CFAP92: variants seen among roughly 807,000 people sequenced by gnomAD.
The protein encoded by CFAP92 is cilia and flagella associated protein 92 (putative), also known as uncharacterized protein CFAP92.
Under a neutral mutation model 106.3 loss-of-function variants are expected in CFAP92, and 86 were observed. The observed-to-expected ratio is 0.81, with a 90% CI of 0.68 to 0.97. The LOEUF is 0.97. Ranked by LOEUF, CFAP92 falls within the 50% of genes least tolerant of loss-of-function variation. The probability of loss-of-function intolerance (pLI) is 0.00; values close to 1 mark genes in which losing one functional copy is unlikely to be tolerated. For synonymous variants in CFAP92, 477 were observed against 506.4 expected (o/e 0.94, Z 0.78); for missense variants, 1,204 against 1,283.8 (o/e 0.94, Z 0.95).
upstream of CFAP92, chr3:129,003,907 C>A: frequency 7.4e-7 from 1 of 1,355,612 alleles, no homozygotes; most frequent in South Asian, 1.7e-5. Context: ...CGGAGGCCCG[C>A]GCTGGGCGGC....
At chr3:128,921,396 C>A (rs1683780) in intron 12 of CFAP92, among the ~76,000 whole-genome samples, 2 of 152,058 alleles carry the variant, frequency 1.3e-5, no homozygotes, top group Non-Finnish European at 2.9e-5. Context: ...CAGCTTCTTA[C>A]ATACAATAAT....
intron 9 of CFAP92, among the ~76,000 whole-genome samples, chr3:128,963,245 G>T (rs1304778228): frequency 6.6e-6 from 1 of 152,146 alleles, no homozygotes; most frequent in African/African-American, 2.4e-5. Context: ...GGCATGCTTA[G>T]TGCGGTCAGA....
intron 4 of CFAP92, among the ~76,000 whole-genome samples, chr3:128,984,922 C>T (rs1161103275): frequency 3.3e-5 from 5 of 152,100 alleles, no homozygotes; most frequent in South Asian, 2.1e-4. Flanking sequence ...AATCTTTTTA[C>T]GTGAGAAAAG....
intron 12 of CFAP92, among the ~76,000 whole-genome samples, chr3:128,925,225 C>G (rs1937570147): frequency 6.6e-6 from 1 of 152,170 alleles, no homozygotes; most frequent in African/African-American, 2.4e-5. Flanking sequence ...ACTGTTCCAC[C>G]TCAGCTCATC....
Position 128,910,230 on chromosome 3 carries a change from G to T in CFAP92, c.*69C>A. The T allele has an allele frequency of 6.3e-7, 1 of 1,592,006 alleles. No individual in the cohort carries two copies. Among genetic ancestry groups the T allele is most frequent in the Non-Finnish European group, 8.5e-7 (1 of 1,171,556 alleles). On this transcript the variant is annotated 3_prime_UTR_variant, in exon 16 of 16. Transcript: ENST00000645291. ...CTTTAATGAAGTTGATTGTTGAGGA[G>T]GGTGTGGTCGGGTGTGGGGGAGGCT...
chr3:128,942,838 C>T lies in CFAP92; in HGVS notation c.2258+2233G>A, dbSNP rs143624244. ...CTGGGATTACAGGTGCCTGCCACCACGCCTGGCTAATTTTTGTGTATTTAG... is the reference window on the plus strand; with the variant it reads ...CTGGGATTACAGGTGCCTGCCACCATGCCTGGCTAATTTTTGTGTATTTAG... On this transcript the variant is annotated intron_variant, in intron 10 of 15. Coordinates refer to ENST00000645291, the MANE Select transcript of CFAP92 (RefSeq NM_001394090.1). Among the ~76,000 whole-genome samples the T allele has an allele frequency of 1.7e-3, 257 of 151,390 alleles. 2 individuals carry two copies. Among genetic ancestry groups the T allele is most frequent in the African/African-American group, 5.7e-3 (233 of 41,206 alleles).
At chr3:128,950,068 TA>T (rs147321311) in intron 9 of CFAP92, among the ~76,000 whole-genome samples, 1 of 152,052 alleles carries the variant, frequency 6.6e-6, no homozygotes, top group Non-Finnish European at 1.5e-5. Flanking sequence ...ATTTGTTTTT[TA>T]AAAAAAATAA....
intron 9 of CFAP92, among the ~76,000 whole-genome samples, chr3:128,953,004 C>A (rs561276576): frequency 1.0e-3 from 158 of 152,262 alleles, no homozygotes; most frequent in Middle Eastern, 6.8e-3. Context: ...ACTGCTTGAA[C>A]CCAGGATGCG....
At chr3:129,019,619 C>T in the CFAP92 span, among the ~76,000 whole-genome samples, 1 of 152,164 alleles carries the variant, frequency 6.6e-6, no homozygotes, top group Non-Finnish European at 1.5e-5. Flanking sequence ...TAGATCAGCA[C>T]TGTCCAACTG....
intron 12 of CFAP92, among the ~76,000 whole-genome samples, chr3:128,928,343 CAAAGGACCCAAAGTAGTCA>C (rs1394650737): frequency 3.3e-5 from 5 of 152,136 alleles, no homozygotes; most frequent in Non-Finnish European, 7.3e-5. Flanking sequence ...TGTGGAAATG[CAAAGGACCCAAAGTAGTCA>C]AAGCAATTTT....
intron 10 of CFAP92, among the ~76,000 whole-genome samples, chr3:128,939,321 T>C (rs1339847068): frequency 6.6e-6 from 1 of 152,054 alleles, no homozygotes; most frequent in Non-Finnish European, 1.5e-5. Context: ...GTATTTTTAG[T>C]AGAGACGGGT....
Position 128,986,627 on chromosome 3 carries a change from C to A in CFAP92, c.667+989G>T, listed in dbSNP as rs1943872622. Among the ~76,000 whole-genome samples the A allele has an allele frequency of 2.0e-5, 3 of 152,282 alleles. No individual in the cohort carries two copies. The South Asian group carries it at 6.2e-4, about 32-fold the overall frequency. On this transcript the variant is annotated intron_variant, in intron 4 of 15. Transcript: ENST00000645291. The stretch of plus-strand genomic sequence containing the variant: ...TTACAGTTCTTAAATTTTCTATAGA[C>A]AATGCACACCCTCATTGCTTGCACC...
At chr3:128,965,855 C>T (rs1300226742) in intron 8 of CFAP92, among the ~76,000 whole-genome samples, 160 bp from the exon 9 acceptor site, 1 of 151,900 alleles carries the variant, frequency 6.6e-6, no homozygotes, top group South Asian at 2.1e-4. Context: ...GGGAAACACC[C>T]ACAGGCAGCA....
At chr3:129,003,937 G>A, upstream of CFAP92, 1 of 1,393,068 alleles carries the variant, frequency 7.2e-7, no homozygotes, top group Admixed American at 3.1e-5. Flanking sequence ...GCCAGGCCGA[G>A]GTGCGGCGGC....
At chr3:128,924,066 G>T (rs112317034) in intron 12 of CFAP92, among the ~76,000 whole-genome samples, 2 of 152,160 alleles carry the variant, frequency 1.3e-5, no homozygotes, top group African/African-American at 4.8e-5. Context: ...GACAGCTGCC[G>T]TCGAGAACAA....
In CFAP92 at chr3:128,975,836, T is replaced by C; in HGVS notation, c.964A>G (p.Ile322Val). The change falls in exon 7 of 16, where the codon ATT becomes GTT. Residue 322 changes from isoleucine (I) to valine (V), a missense_variant. Transcript: ENST00000645291. ...AAGCTGCTAAGTGATTCACTCTCAA[T>C]TAATTCCTTGATCTCCATCATGCTT... is the stretch of plus-strand genomic sequence containing the variant. ...GASMMEIKEL[I>V]ESESLSSLTN... The C allele has an allele frequency of 6.2e-7, 1 of 1,609,796 alleles. No individual in the cohort carries two copies. The highest frequency in any genetic ancestry group is 8.5e-7 in the Non-Finnish European group (1 of 1,177,722).
intron 12 of CFAP92, among the ~76,000 whole-genome samples, chr3:128,921,047 T>C (rs966217883): frequency 2.6e-5 from 4 of 152,184 alleles, no homozygotes; most frequent in Non-Finnish European, 5.9e-5. Flanking sequence ...CACCAATAAA[T>C]AGTGTGGGCT....
At chr3:129,002,272 A>G (rs1439834258) in intron 1 of CFAP92, 2 of 1,530,504 alleles carry the variant, frequency 1.3e-6, no homozygotes, top group East Asian at 2.5e-5. Flanking sequence ...GAGTTGGTGG[A>G]GGACCTGCGC....
At chr3:128,951,351 T>C (rs796971947) in intron 9 of CFAP92, among the ~76,000 whole-genome samples, 3 of 152,276 alleles carry the variant, frequency 2.0e-5, no homozygotes, top group African/African-American at 7.2e-5. Context: ...AATTTCCCGG[T>C]GCTGAAGGAT....
Sources: gnomAD v4.1 joint callset for allele counts (sites outside exome capture counted in the v4.1 genomes callset) on GRCh38, gnomAD v4.1.1 for gene constraint, MANE v1.5 for transcripts, NCBI Gene and HGNC (gene_info 2026-07-23, HGNC 2026-07-21) for gene names.